The following CPA6 variants were observed in gnomAD, a reference collection of about 807,000 sequenced individuals.
The protein encoded by CPA6 is carboxypeptidase A6, also known as carboxypeptidase B.
In CPA6, 58 loss-of-function variants were observed where a neutral mutation model predicts 63.3. The observed-to-expected ratio is 0.92, with a 90% CI of 0.74 to 1.14. CPA6 has a LOEUF of 1.14. Ranked by LOEUF, CPA6 falls within the 50% of genes most tolerant of loss-of-function variation. The probability of loss-of-function intolerance (pLI) is 0.00; values close to 1 mark genes in which losing one functional copy is unlikely to be tolerated. For missense variants in CPA6, 565 were observed against 526.6 expected (o/e 1.07, Z -0.71); for synonymous variants, 185 against 179.0 (o/e 1.03, Z -0.27).
chr8:67,533,515 T>C (rs778686962), intron 2 of CPA6, among the ~76,000 whole-genome samples: 13 of 152,324 alleles, frequency 8.5e-5, no homozygotes, highest in Non-Finnish European at 1.8e-4. Flanking sequence ...GGCACTATAG[T>C]TCGGATATCA....
At chr8:67,595,287 C>G (rs1011799379) in intron 2 of CPA6, among the ~76,000 whole-genome samples, 4 of 152,146 alleles carry the variant, frequency 2.6e-5, no homozygotes, top group African/African-American at 9.7e-5. Context: ...TCAGTCTGCC[C>G]CTGCTCGGGG....
rs1810095475 is a variant in CPA6, at chr8:67,434,246, A to T, written c.839-6T>A. 1 of 1,612,376 alleles carries T rather than the reference A, an allele frequency of 6.2e-7. No individual in the cohort carries two copies. The highest frequency in any genetic ancestry group is 2.2e-5 in the East Asian group (1 of 44,870). On this transcript the variant is annotated splice_polypyrimidine_tract_variant and splice_region_variant and intron_variant, in intron 8 of 10. Transcript: ENST00000297770. Reference sequence around the variant, plus strand: ...GTGCATAGAAGCTCCTTCATCTGCAAGTCAGAAAAGAAAATGGGGTAAGGA... The same window carrying T: ...GTGCATAGAAGCTCCTTCATCTGCATGTCAGAAAAGAAAATGGGGTAAGGA...
chr8:67,668,063 A>T (rs1332417972), intron 1 of CPA6, among the ~76,000 whole-genome samples: 1 of 152,232 alleles, frequency 6.6e-6, no homozygotes, highest in East Asian at 1.9e-4. Context: ...TTCACTTATT[A>T]CTAAAAGTGT....
In CPA6 at chr8:67,606,923, A is replaced by C. The variant is rs577492474; in HGVS notation, c.192+17253T>G. On this transcript the variant is annotated intron_variant, in intron 2 of 10. Coordinates refer to ENST00000297770, the MANE Select transcript of CPA6 (RefSeq NM_020361.5). ...TAGTTGTATAATGCTCTATCTTGCA[A>C]AATTTTATTTTATTTTATATTTTGG... Among the ~76,000 whole-genome samples, 261 of 152,238 alleles carry C rather than the reference A, an allele frequency of 1.7e-3. 1 individual carries two copies. Among genetic ancestry groups the C allele is most frequent in the African/African-American group, 6.0e-3 (251 of 41,522 alleles).
At chr8:67,446,920 T>C (rs867848159) in intron 8 of CPA6, among the ~76,000 whole-genome samples, 1 of 152,034 alleles carries the variant, frequency 6.6e-6, no homozygotes, top group Non-Finnish European at 1.5e-5. Flanking sequence ...CAAATACACA[T>C]AGTTTACAAG....
chr8:67,591,153 C>T (rs1814111955), intron 2 of CPA6, among the ~76,000 whole-genome samples: 1 of 152,082 alleles, frequency 6.6e-6, no homozygotes. Context: ...ATCCTTTCCC[C>T]ATTGCTTGTT....
chr8:67,440,498 G>A (rs1444493181), intron 8 of CPA6, among the ~76,000 whole-genome samples: 2 of 152,072 alleles, frequency 1.3e-5, no homozygotes, highest in Non-Finnish European at 2.9e-5. Context: ...TTGAACCCAG[G>A]GGGTGGAGTT....
At chr8:67,428,340 A>G (rs1809942113) in intron 9 of CPA6, among the ~76,000 whole-genome samples, 1 of 152,204 alleles carries the variant, frequency 6.6e-6, no homozygotes. Flanking sequence ...ACAACAAACC[A>G]GTGATCAATA....
chr8:67,608,891 T>C (rs1450943461), intron 2 of CPA6, among the ~76,000 whole-genome samples: 1 of 152,226 alleles, frequency 6.6e-6, no homozygotes, highest in Non-Finnish European at 1.5e-5. Flanking sequence ...ATGGCCACAC[T>C]TAACTAATTG....
chr8:67,450,550 A>G (rs1482805522), intron 8 of CPA6, among the ~76,000 whole-genome samples: 1 of 152,196 alleles, frequency 6.6e-6, no homozygotes, highest in Non-Finnish European at 1.5e-5. Context: ...AGAAAAACCA[A>G]ACATTGATTT....
intron 2 of CPA6, among the ~76,000 whole-genome samples, chr8:67,539,373 G>C (rs1812657641): frequency 6.6e-6 from 1 of 152,212 alleles, no homozygotes; most frequent in African/African-American, 2.4e-5. Context: ...TCCGCTCTTA[G>C]TCTGATGGGC....
intron 10 of CPA6, among the ~76,000 whole-genome samples, chr8:67,423,489 G>C (rs1809813983): frequency 6.6e-6 from 1 of 152,148 alleles, no homozygotes; most frequent in Admixed American, 6.5e-5. Context: ...TCCGTTTTCT[G>C]GTAGTTTCAT....
At chr8:67,598,398 T>C (rs1005065927) in intron 2 of CPA6, among the ~76,000 whole-genome samples, 1 of 152,218 alleles carries the variant, frequency 6.6e-6, no homozygotes, top group Non-Finnish European at 1.5e-5. Flanking sequence ...ATTACTTAAG[T>C]AGTATTTTCT....
chr8:67,584,100 G>GT (rs1813854911), intron 2 of CPA6, among the ~76,000 whole-genome samples: 1 of 152,196 alleles, frequency 6.6e-6, no homozygotes, highest in African/African-American at 2.4e-5. Flanking sequence ...AGACGTTGTA[G>GT]TGAGCTGAGA....
chr8:67,493,093 A>G (rs1811640441), intron 6 of CPA6, among the ~76,000 whole-genome samples: 1 of 152,210 alleles, frequency 6.6e-6, no homozygotes, highest in Non-Finnish European at 1.5e-5. Flanking sequence ...TTAGGTAATT[A>G]AGAACAAAGA....
At chr8:67,434,277 G>A (rs1563950936) in intron 8 of CPA6, 37 bp from the exon 9 acceptor site, 1 of 1,539,484 alleles carries the variant, frequency 6.5e-7, no homozygotes, top group Non-Finnish European at 9.0e-7. Flanking sequence ...AAGGAAGTGG[G>A]CAGGGAAGAA....
chr8:67,474,482 A>G (rs1483093077), intron 8 of CPA6, among the ~76,000 whole-genome samples: 4 of 152,044 alleles, frequency 2.6e-5, no homozygotes, highest in Admixed American at 2.0e-4. Context: ...CGGCTTCCCA[A>G]AGTTCTGGGA....
chr8:67,506,940 C>T (rs757203433), intron 5 of CPA6, 52 bp from the exon 6 acceptor site: 2 of 1,238,758 alleles, frequency 1.6e-6, no homozygotes, highest in East Asian at 2.3e-5. Context: ...GATTCACTGA[C>T]CAGCATAATT....
chr8:67,661,901 T>C (rs1265003735), intron 1 of CPA6, among the ~76,000 whole-genome samples: 1 of 152,224 alleles, frequency 6.6e-6, no homozygotes, highest in African/African-American at 2.4e-5. Flanking sequence ...CGTAGCATAA[T>C]GTCTTTAAGG....
Sources: allele counts gnomAD v4.1 joint callset (sites outside exome capture counted in the v4.1 genomes callset), GRCh38; gene constraint gnomAD v4.1.1; transcripts MANE v1.5; gene names NCBI Gene and HGNC (gene_info 2026-07-23, HGNC 2026-07-21).